Variants in DDX4 observed in about 807,000 individuals in gnomAD.
DDX4 encodes the protein DEAD-box helicase 4.
A neutral mutation model predicts 100.0 loss-of-function variants in DDX4; 25 were observed. That is an observed-to-expected ratio of 0.25 (90% CI 0.18 to 0.35). The LOEUF (loss-of-function observed/expected upper bound fraction) is 0.35, where lower values mean the gene tolerates loss of function less well. Among genes scored for constraint, DDX4 ranks in the 10% least tolerant of loss-of-function variants. DDX4 has a pLI of 1.00. For missense variants in DDX4, 635 were observed against 882.4 expected (o/e 0.72, Z 3.55); for synonymous variants, 259 against 275.7 (o/e 0.94, Z 0.60).
chr5:55,740,574 C>T (rs915759102), intron 2 of DDX4, among the ~76,000 whole-genome samples: 1 of 150,844 alleles, frequency 6.6e-6, no homozygotes, highest in African/African-American at 2.4e-5. Flanking sequence ...GGTGCAGTCT[C>T]AGCTCACTGC....
intron 5 of DDX4, among the ~76,000 whole-genome samples, 158 bp downstream of exon 5, chr5:55,763,410 T>C (rs985915273): frequency 3.9e-5 from 6 of 152,178 alleles, no homozygotes; most frequent in African/African-American, 1.2e-4. Context: ...TTAAAACTTA[T>C]TAAAAACATT....
chr5:55,760,626 G>C (rs937960148), intron 4 of DDX4, among the ~76,000 whole-genome samples: 1 of 152,094 alleles, frequency 6.6e-6, no homozygotes, highest in African/African-American at 2.4e-5. Flanking sequence ...TTAGAGGTGA[G>C]AGGGACTCTT....
In DDX4 at chr5:55,817,127, G is replaced by GAT. The variant is rs1467247934; in HGVS notation, c.*588_*589dup. On this transcript the variant is annotated 3_prime_UTR_variant, in exon 22 of 22. Transcript: ENST00000505374. ...TATACAATCTTTCCTTGAAATAAAGGATGAAACACTTTTCCCTTAAGTTTT... is the reference window on the plus strand; with the variant it reads ...TATACAATCTTTCCTTGAAATAAAGGATATGAAACACTTTTCCCTTAAGTTTT... 6.6e-6 allele frequency: 1 copy of GAT among 152,136 alleles called. No homozygotes were observed. Among genetic ancestry groups the GAT allele is most frequent in the Non-Finnish European group, 1.5e-5 (1 of 68,020 alleles). 9.4% of individuals were successfully genotyped at this position (152,136 alleles called of 1,614,324 possible).
Position 55,790,559 on chromosome 5 carries a change from A to G in DDX4, c.1173-17A>G, listed in dbSNP as rs778475931. The G allele has an allele frequency of 5.9e-6, 9 of 1,526,588 alleles. No individual in the cohort carries two copies. Among genetic ancestry groups the G allele is most frequent in the Non-Finnish European group, 5.4e-6 (6 of 1,112,680 alleles). The allele number at this position is 1,526,588 out of a possible 1,614,324, so 94.6% of individuals were successfully genotyped here. A position where few individuals can be genotyped will look rare whatever the true frequency, so the allele number is the denominator to read the frequency against. On this transcript the variant is annotated splice_polypyrimidine_tract_variant and intron_variant, in intron 15 of 21. Coordinates refer to ENST00000505374, the MANE Select transcript of DDX4 (RefSeq NM_024415.3). ...TTTAAGTAACTAGAAAATAACATTT[A>G]GTTTTCTTGTTAATAGGACTTGTGT...
chr5:55,800,578 C>T (rs1743236864), intron 18 of DDX4, among the ~76,000 whole-genome samples: 1 of 152,082 alleles, frequency 6.6e-6, no homozygotes, highest in African/African-American at 2.4e-5. Context: ...CCTGCCTCGG[C>T]CTCCCAAAGT....
intron 17 of DDX4, among the ~76,000 whole-genome samples, chr5:55,797,904 A>T (rs528688697): frequency 1.3e-5 from 2 of 152,258 alleles, no homozygotes; most frequent in South Asian, 4.1e-4. Flanking sequence ...ACTACTTTCT[A>T]TGTGTGTCGT....
At chr5:55,782,790 TTTC>T (rs1276573276) in intron 10 of DDX4, among the ~76,000 whole-genome samples, 1 of 151,214 alleles carries the variant, frequency 6.6e-6, no homozygotes. Flanking sequence ...CTTAAAGTTT[TTTC>T]TTTTCTTTTT....
chr5:55,765,408 AAAAAAAT>A (rs1740837923), intron 6 of DDX4, among the ~76,000 whole-genome samples: 1 of 121,452 alleles, frequency 8.2e-6, no homozygotes, highest in South Asian at 2.5e-4. Flanking sequence ...AAAAAAAAAA[AAAAAAAT>A]ATATATATAT....
At chr5:55,795,212 G>A (rs767640924) in intron 17 of DDX4, among the ~76,000 whole-genome samples, 1 of 152,058 alleles carries the variant, frequency 6.6e-6, no homozygotes, top group Non-Finnish European at 1.5e-5. Context: ...TGATCCGTCC[G>A]CCTCAGCCTC....
At chr5:55,761,630 A>G (rs1435743793) in intron 4 of DDX4, among the ~76,000 whole-genome samples, 2 of 150,060 alleles carry the variant, frequency 1.3e-5, no homozygotes, top group African/African-American at 4.9e-5. Context: ...CTTTTTTGAG[A>G]CAGTTTTGCT....
intron 6 of DDX4, among the ~76,000 whole-genome samples, chr5:55,764,546 G>T (rs148323142): frequency 6.6e-6 from 1 of 152,082 alleles, no homozygotes. Context: ...CCAGAAGATG[G>T]ACTACGATAA....
intron 3 of DDX4, among the ~76,000 whole-genome samples, chr5:55,751,543 T>C (rs1268137759): frequency 6.6e-6 from 1 of 152,232 alleles, no homozygotes; most frequent in African/African-American, 2.4e-5. Flanking sequence ...CATCATTGCT[T>C]TACTATGCAT....
chr5:55,745,109 A>T (rs1759182562), intron 2 of DDX4, among the ~76,000 whole-genome samples: 1 of 151,950 alleles, frequency 6.6e-6, no homozygotes, highest in South Asian at 2.1e-4. Context: ...TGAACTGCTG[A>T]CCTCAGGTGA....
At chr5:55,769,827 A>G (rs1191350467) in intron 7 of DDX4, among the ~76,000 whole-genome samples, 1 of 151,980 alleles carries the variant, frequency 6.6e-6, no homozygotes, top group Non-Finnish European at 1.5e-5. Flanking sequence ...TACCTAGACC[A>G]GTGGAACAGA....
rs772566845 is a variant in DDX4, at chr5:55,798,617, T to A, written c.1615+46T>A. The A allele has an allele frequency of 1.7e-5, 26 of 1,518,000 alleles. No homozygotes were observed. The Admixed American group carries it at 3.7e-4, about 22-fold the overall frequency. The allele number at this position is 1,518,000 out of a possible 1,614,324, so 94.0% of individuals were successfully genotyped here. A position where few individuals can be genotyped will look rare whatever the true frequency, so the allele number is the denominator to read the frequency against. ...TTTTTGTCATGATTTTGATTTTTTT[T>A]AATGAATAATTTAAAAAATCACTAA... On this transcript the variant is annotated intron_variant, in intron 18 of 21. Coordinates refer to ENST00000505374, the MANE Select transcript of DDX4 (RefSeq NM_024415.3).
At chr5:55,761,300 T>C (rs180877289) in intron 4 of DDX4, among the ~76,000 whole-genome samples, 1 of 152,254 alleles carries the variant, frequency 6.6e-6, no homozygotes, top group Admixed American at 6.5e-5. Flanking sequence ...TAATATTACA[T>C]TTAGGAGCAT....
At position 55,796,823 on chromosome 5, in the gene DDX4, C is replaced by CTTTTTTTTTTT. The variant is rs3990072; in HGVS notation, c.1470-1579_1470-1569dup. Among the ~76,000 whole-genome samples, 243 of 59,938 alleles carry CTTTTTTTTTTT rather than the reference C, an allele frequency of 4.1e-3. 29 individuals are homozygous for CTTTTTTTTTTT. The highest frequency in any genetic ancestry group is 5.8e-3 in the Non-Finnish European group (179 of 30,910). 39.3% of individuals were successfully genotyped at this position (59,938 alleles called of 152,430 possible). ...TTTTCTTTTCTTTTTTTCTTTCTTT[C>CTTTTTTTTTTT]TTTTTTTTTTTTTTTTTTTTTTTTT... is the stretch of plus-strand genomic sequence containing the variant. On this transcript the variant is annotated intron_variant, in intron 17 of 21. Coordinates refer to ENST00000505374, the MANE Select transcript of DDX4 (RefSeq NM_024415.3).
chr5:55,778,130 T>G (rs1003153169), intron 7 of DDX4, among the ~76,000 whole-genome samples: 3 of 152,204 alleles, frequency 2.0e-5, no homozygotes, highest in Admixed American at 6.5e-5. Context: ...TCATAGGTCA[T>G]GTTCTCTTAT....
chr5:55,809,876 A>G (rs1172095118), intron 18 of DDX4, among the ~76,000 whole-genome samples: 2 of 152,216 alleles, frequency 1.3e-5, no homozygotes, highest in African/African-American at 4.8e-5. Context: ...ACACTGTACT[A>G]TTGCATCAGG....
Sources: allele counts gnomAD v4.1 joint callset (sites outside exome capture counted in the v4.1 genomes callset), GRCh38; gene constraint gnomAD v4.1.1; transcripts MANE v1.5; gene names NCBI Gene and HGNC (gene_info 2026-07-23, HGNC 2026-07-21).